DCTN3: variants seen among roughly 807,000 people sequenced by gnomAD.
DCTN3 encodes the protein dynactin 3 (p22).
A neutral mutation model predicts 28.4 loss-of-function variants in DCTN3; 25 were observed. The ratio of observed to expected loss-of-function variants is 0.88; its 90% confidence interval spans 0.64 to 1.23. DCTN3 has a LOEUF of 1.23. DCTN3 is among the 50% of genes most tolerant of loss of function. DCTN3 has a pLI of 0.00. For synonymous variants in DCTN3, 81 were observed against 91.4 expected, an observed-to-expected ratio of 0.89 and a Z score of 0.65; for missense variants, 229 against 232.0, an observed-to-expected ratio of 0.99 and a Z score of 0.08.
intron 5 of DCTN3, chr9:34,614,337 C>T: frequency 1.2e-6 from 1 of 824,668 alleles, no homozygotes; most frequent in South Asian, 1.9e-5. Flanking sequence ...TAAACATTCC[C>T]CCTAGTGTAT....
At chr9:34,619,689 C>T (rs940869117) in intron 1 of DCTN3, among the ~76,000 whole-genome samples, 5 of 152,138 alleles carry the variant, frequency 3.3e-5, no homozygotes, top group Non-Finnish European at 7.4e-5. Flanking sequence ...ACAACTAATT[C>T]CTCATTTAGT....
At chr9:34,617,790 T>C (rs1313740911) in intron 3 of DCTN3, 95 bp downstream of exon 3, 2 of 1,567,202 alleles carry the variant, frequency 1.3e-6, no homozygotes, top group African/African-American at 2.7e-5. Context: ...AGGGCTTGTA[T>C]CCACCAGAAG....
chr9:34,614,180 C>G (rs765133283), intron 5 of DCTN3, 79 bp from the exon 6 acceptor site: 1 of 1,612,560 alleles, frequency 6.2e-7, no homozygotes, highest in Non-Finnish European at 8.5e-7. Flanking sequence ...TCATCACGGA[C>G]TCCCACTCCC....
intron 5 of DCTN3, 187 bp from the exon 6 acceptor site, chr9:34,614,288 T>A: frequency 7.2e-7 from 1 of 1,380,468 alleles, no homozygotes; most frequent in Non-Finnish European, 9.8e-7. Context: ...CTAACAGCAG[T>A]CCAAAGACGG....
rs1385415993 is a variant in DCTN3, at chr9:34,616,894, A to G, written c.269-781T>C. ...GATACACTGAGGTTCCAAAGTAGGC[A>G]AAGTGACATGTTGGGAACATGTTTT... On this transcript the variant is annotated intron_variant, in intron 3 of 6. Coordinates refer to ENST00000259632, the MANE Select transcript of DCTN3 (RefSeq NM_007234.5). The surrounding 1 kb of genome is among the most constrained non-coding windows in gnomAD (Gnocchi z 4.7). 6.6e-6 allele frequency among the ~76,000 whole-genome samples: 1 copy of G among 152,190 alleles called. No individual in the cohort carries two copies. Among genetic ancestry groups the G allele is most frequent in the Non-Finnish European group, 1.5e-5 (1 of 68,034 alleles).
chr9:34,619,985 T>C (rs760567662), intron 1 of DCTN3, among the ~76,000 whole-genome samples: 5 of 152,198 alleles, frequency 3.3e-5, no homozygotes, highest in Admixed American at 6.5e-5. Context: ...AGGGGTCCCA[T>C]GGACCTCTTC....
At chr9:34,614,268 G>A (rs1820371150) in intron 5 of DCTN3, 167 bp from the exon 6 acceptor site, 2 of 1,508,546 alleles carry the variant, frequency 1.3e-6, no homozygotes, top group African/African-American at 1.4e-5. Context: ...CAGGCTCCAG[G>A]ATGGGTGCCC....
intron 4 of DCTN3, 126 bp downstream of exon 4, chr9:34,615,899 CAAAAA>C (rs35159161): frequency 5.3e-5 from 24 of 450,622 alleles, no homozygotes; most frequent in South Asian, 1.4e-4. Context: ...CGACTCTGTC[CAAAAA>C]AAAAAAAAAA....
intron 4 of DCTN3, chr9:34,615,158 A>G: frequency 5.4e-6 from 1 of 184,798 alleles, no homozygotes. Context: ...GATGGATGCC[A>G]GGTCCCTAAG....
chr9:34,620,230 C>T (rs1158003108), intron 1 of DCTN3, 139 bp downstream of exon 1: 1 of 790,734 alleles, frequency 1.3e-6, no homozygotes, highest in Non-Finnish European at 2.1e-6. Context: ...GTCCAATCAG[C>T]TCTGGGAGGT....
At chr9:34,620,115 TA>T (rs1587210418) in intron 1 of DCTN3, among the ~76,000 whole-genome samples, 2 of 152,274 alleles carry the variant, frequency 1.3e-5, no homozygotes, top group East Asian at 3.9e-4. Context: ...TCCCCAACTA[TA>T]GCTCGCGAGG....
At chr9:34,615,055 G>C (rs1259468597) in intron 4 of DCTN3, 1 of 406,640 alleles carries the variant, frequency 2.5e-6, no homozygotes, top group East Asian at 4.1e-5. Context: ...AGCAGGACCA[G>C]GTAAAGAGAG....
In DCTN3 at chr9:34,616,016, C is replaced by T. The variant is rs775657370; in HGVS notation, c.352+14G>A. 5.0e-6 allele frequency: 8 copies of T among 1,611,926 alleles called. No homozygotes were observed. Among genetic ancestry groups the T allele is most frequent in the African/African-American group, 2.7e-5 (2 of 74,842 alleles). ...CCCAACCAGAGTAGTGAAGCTATAA[C>T]CCCAGAGAGATACCTTTGATGTGAG... On this transcript the variant is annotated intron_variant, in intron 4 of 6. Coordinates refer to ENST00000259632, the MANE Select transcript of DCTN3 (RefSeq NM_007234.5). This position sits in a 1 kb window ranked among gnomAD's most constrained non-coding sequence, Gnocchi z 4.7.
rs1485105121 is a variant in DCTN3, at chr9:34,620,487, C to T, written c.-23G>A. On this transcript the variant is annotated 5_prime_UTR_variant, in exon 1 of 7. Transcript: ENST00000259632. ...CATCGCTACTACCGACCCACCTCGG[C>T]CAGGAAACAGCCAGAGGGCGGGACG... The T allele has an allele frequency of 8.4e-6, 13 of 1,545,330 alleles. No homozygotes were observed. Among genetic ancestry groups the T allele is most frequent in the Non-Finnish European group, 1.0e-5 (12 of 1,145,324 alleles).
chr9:34,619,602 AG>A (rs1301284582), intron 1 of DCTN3, among the ~76,000 whole-genome samples: 4 of 152,164 alleles, frequency 2.6e-5, no homozygotes, highest in Non-Finnish European at 5.9e-5. Flanking sequence ...GAAAACCAGG[AG>A]GGTCAGCGTC....
At position 34,613,786 on chromosome 9, in the gene DCTN3, T is replaced by G; in HGVS notation, c.557A>C (p.Glu186Ala). 3.1e-6 allele frequency: 5 copies of G among 1,613,878 alleles called. No homozygotes were observed. The highest frequency in any genetic ancestry group is 4.2e-6 in the Non-Finnish European group (5 of 1,179,880). ...CTTTGGGATGGGGAGCAGCTATCAC[T>G]CCTCTGCTGGCTTCACTTGCGTGGC... ...EAATQVKPAE[E>A] Residue 186 changes from glutamate (E) to alanine (A), a missense_variant, in exon 7 of 7, where the codon GAG becomes GCG. Transcript: ENST00000259632.
chr9:34,617,844 C>T (rs932598074), intron 3 of DCTN3, 41 bp downstream of exon 3: 1 of 1,612,270 alleles, frequency 6.2e-7, no homozygotes, highest in Non-Finnish European at 8.5e-7. Flanking sequence ...CCCCGACGAC[C>T]CACATCCTCA....
In DCTN3 at chr9:34,618,752, G is replaced by A. The variant is rs945322031; in HGVS notation, c.105C>T (p.Asp35=). Reference sequence around the variant, plus strand: ...AAGCCACCTGCACCTTGACCAGGCCGTCAGCCACCTGTAAGGGAAGTGGTG... The same window carrying A: ...AAGCCACCTGCACCTTGACCAGGCCATCAGCCACCTGTAAGGGAAGTGGTG... The part of the protein sequence containing the change: ...GGARGSRKVA[D]GLVKVQVALG... The change falls in exon 2 of 7, where the codon GAC becomes GAT. Residue 35 remains aspartate, a synonymous_variant. Coordinates refer to ENST00000259632, the MANE Select transcript of DCTN3 (RefSeq NM_007234.5). The A allele has an allele frequency of 1.2e-5, 19 of 1,613,812 alleles. No individual in the cohort carries two copies. Among genetic ancestry groups the A allele is most frequent in the Middle Eastern group, 1.6e-4 (1 of 6,084 alleles).
At chr9:34,614,880 A>C in intron 4 of DCTN3, 112 bp from the exon 5 acceptor site, 1 of 1,306,168 alleles carries the variant, frequency 7.7e-7, no homozygotes, top group Non-Finnish European at 1.1e-6. Context: ...AAGCTAAACA[A>C]ACGCCAGACT....
Sources: allele counts gnomAD v4.1 joint callset (sites outside exome capture counted in the v4.1 genomes callset), GRCh38; gene constraint gnomAD v4.1.1; non-coding constraint Gnocchi (gnomAD v3.1); transcripts MANE v1.5; gene names NCBI Gene and HGNC (gene_info 2026-07-23, HGNC 2026-07-21).